CSTF3: variants seen among roughly 807,000 people sequenced by gnomAD.
The protein encoded by CSTF3 is CF-1 77 kDa subunit.
Under a neutral mutation model 105.8 loss-of-function variants are expected in CSTF3, and 29 were observed. The ratio of observed to expected loss-of-function variants is 0.27; its 90% CI spans 0.20 to 0.37. CSTF3 has a LOEUF of 0.37. Ranked by LOEUF, CSTF3 falls within the 10% of genes least tolerant of loss-of-function variation. The pLI, the probability that CSTF3 is intolerant of heterozygous loss-of-function variation, is 1.00. For missense variants in CSTF3, 357 were observed against 879.3 expected, an observed-to-expected ratio of 0.41 and a Z score of 7.51; for synonymous variants, 252 against 281.9, an observed-to-expected ratio of 0.89 and a Z score of 1.06.
chr11:33,102,405 T>C, intron 9 of CSTF3, 66 bp from the exon 10 acceptor site: 1 of 1,507,772 alleles, frequency 6.6e-7, no homozygotes, highest in Non-Finnish European at 9.1e-7. Flanking sequence ...GCGGATGGGG[T>C]AGATCAGTTT....
At chr11:33,118,834 C>T (rs1444684316) in intron 3 of CSTF3, among the ~76,000 whole-genome samples, 3 of 151,374 alleles carry the variant, frequency 2.0e-5, no homozygotes, top group Non-Finnish European at 4.4e-5. Flanking sequence ...TTCCCTCAAA[C>T]GTCTAATATT....
chr11:33,101,627 G>A (rs1037431738), intron 10 of CSTF3, among the ~76,000 whole-genome samples: 5 of 152,124 alleles, frequency 3.3e-5, no homozygotes, highest in African/African-American at 1.2e-4. Context: ...ATTCTTCAGA[G>A]GAAGATGACA....
chr11:33,091,873 C>T (rs970066303), intron 16 of CSTF3, among the ~76,000 whole-genome samples: 2 of 152,066 alleles, frequency 1.3e-5, no homozygotes, highest in African/African-American at 2.4e-5. Flanking sequence ...ACCACCACAC[C>T]CAGCTAATTT....
At chr11:33,111,725 CAATT>C (rs1257733560) in intron 3 of CSTF3, among the ~76,000 whole-genome samples, 1 of 152,148 alleles carries the variant, frequency 6.6e-6, no homozygotes, top group Non-Finnish European at 1.5e-5. Flanking sequence ...TTGGATTCAT[CAATT>C]ATTTCTTTAA....
In CSTF3 at chr11:33,126,825, T is replaced by C. The variant is rs143298902; in HGVS notation, c.225+14842A>G. On this transcript the variant is annotated intron_variant, in intron 3 of 20. Coordinates refer to ENST00000323959, the MANE Select transcript of CSTF3 (RefSeq NM_001326.3). ...AGCATTATTGTAGCTTCCTGGAATA[T>C]AGCAACATACAAAAGAGACAAACTA... 8.9e-3 allele frequency among the ~76,000 whole-genome samples: 1,358 copies of C among 152,274 alleles called. 5 individuals carry two copies. Among genetic ancestry groups the C allele is most frequent in the Non-Finnish European group, 0.013 (883 of 68,002 alleles).
At chr11:33,160,813 A>G (rs1425201725) in intron 1 of CSTF3, among the ~76,000 whole-genome samples, 2 of 152,252 alleles carry the variant, frequency 1.3e-5, no homozygotes, top group African/African-American at 4.8e-5. Flanking sequence ...AAACCTCAGC[A>G]TAACTTGCTT....
rs1248741817 is a variant in CSTF3, at chr11:33,132,041, AT to A, written c.225+9625del. ...ATTATTCTTTCAAATTTGTTTGAAA[AT>A]TTTTATAATAAATAGTTGGAAAGAA... is the stretch of plus-strand genomic sequence containing the variant. On this transcript the variant is annotated intron_variant, in intron 3 of 20. Coordinates refer to ENST00000323959, the MANE Select transcript of CSTF3 (RefSeq NM_001326.3). Among the ~76,000 whole-genome samples, 3 of 152,230 alleles carry A rather than the reference AT, an allele frequency of 2.0e-5. No individual in the cohort carries two copies. In the East Asian group the frequency reaches 5.8e-4, roughly 29 times the overall value.
chr11:33,144,430 T>C (rs1273139148), intron 1 of CSTF3, among the ~76,000 whole-genome samples: 1 of 152,172 alleles, frequency 6.6e-6, no homozygotes, highest in Non-Finnish European at 1.5e-5. Context: ...GCTCTTCCCA[T>C]ATATGAAACT....
In CSTF3 at chr11:33,141,681, A is replaced by G. The variant is rs1855713322; in HGVS notation, c.211T>C (p.Tyr71His). 1 of 1,612,690 alleles carries G rather than the reference A, an allele frequency of 6.2e-7. No homozygotes were observed. The change falls in exon 3 of 21, where the codon TAC becomes CAC. Residue 71 changes from tyrosine to histidine, a missense_variant. Physicochemically the swap from Tyr to His is moderately conservative, Grantham distance 83 (BLOSUM62 2). Coordinates refer to ENST00000323959, the MANE Select transcript of CSTF3 (RefSeq NM_001326.3). Reference sequence around the variant, plus strand: ...AAAATAGTAACCTCTGCTTCAATGTACAGTTTCCAGAATCTGCCAGAACTG... The same window carrying G: ...AAAATAGTAACCTCTGCTTCAATGTGCAGTTTCCAGAATCTGCCAGAACTG... Reference protein sequence around the residue: ...FPSSGRFWKLYIEAEIKAKNY... With the variant: ...FPSSGRFWKLHIEAEIKAKNY...
At chr11:33,143,249 C>T (rs1855736016) in intron 1 of CSTF3, among the ~76,000 whole-genome samples, 1 of 152,112 alleles carries the variant, frequency 6.6e-6, no homozygotes, top group African/African-American at 2.4e-5. Context: ...GAATTAGAGG[C>T]TGATTTTTTT....
At position 33,144,845 on chromosome 11, in the gene CSTF3, G is replaced by A. The variant is rs769972978; in HGVS notation, c.28-2859C>T. ...AAATACAAAAATTAGCCAGGTGTGT[G>A]CCACACACCTGTAGTCTCACGTACT... On this transcript the variant is annotated intron_variant, in intron 1 of 20. Coordinates refer to ENST00000323959, the MANE Select transcript of CSTF3 (RefSeq NM_001326.3). The A allele has an allele frequency of 1.5e-5, 3 of 194,804 alleles. No homozygotes were observed. In the South Asian group the frequency reaches 1.9e-4, roughly 12 times the overall value. The allele number at this position is 194,804 out of a possible 1,614,324, so 12.1% of individuals were successfully genotyped here. A position where few individuals can be genotyped will look rare whatever the true frequency, so the allele number is the denominator to read the frequency against.
intron 13 of CSTF3, 53 bp from the exon 14 acceptor site, chr11:33,097,031 A>G: frequency 7.5e-7 from 1 of 1,339,214 alleles, no homozygotes; most frequent in Non-Finnish European, 1.0e-6. Flanking sequence ...TGTTTCCTGC[A>G]TAAGAAAGCA....
At chr11:33,143,321 A>C (rs889369874) in intron 1 of CSTF3, among the ~76,000 whole-genome samples, 1 of 152,218 alleles carries the variant, frequency 6.6e-6, no homozygotes, top group African/African-American at 2.4e-5. Flanking sequence ...TTATTATAGA[A>C]ATTTAATTTT....
intron 3 of CSTF3, among the ~76,000 whole-genome samples, chr11:33,111,138 G>C (rs201774223): frequency 6.6e-6 from 1 of 152,152 alleles, no homozygotes; most frequent in African/African-American, 2.4e-5. Context: ...GCTGAGGCAG[G>C]AGAATCACTT....
At chr11:33,111,497 A>G (rs1016306195) in intron 3 of CSTF3, among the ~76,000 whole-genome samples, 1 of 152,108 alleles carries the variant, frequency 6.6e-6, no homozygotes, top group African/African-American at 2.4e-5. Context: ...AATCCTATAT[A>G]TGTTTATGTA....
chr11:33,119,005 T>C lies in CSTF3; in HGVS notation c.226-10587A>G, dbSNP rs1855460959. Among the ~76,000 whole-genome samples the C allele has an allele frequency of 2.0e-5, 3 of 151,838 alleles. No homozygotes were observed. The South Asian group carries it at 6.2e-4, about 31-fold the overall frequency. On this transcript the variant is annotated intron_variant, in intron 3 of 20. Transcript: ENST00000323959. The stretch of plus-strand genomic sequence containing the variant: ...TTATATATTGCTTTATAAAATATTA[T>C]AATATCTAATCTCACTTTTGTTTGC...
chr11:33,122,914 C>CAAAAAAAAAAAAAAAAAA (rs10600978), intron 3 of CSTF3, among the ~76,000 whole-genome samples: 11 of 83,780 alleles, frequency 1.3e-4, no homozygotes, highest in African/African-American at 2.7e-4. Context: ...TATCCTGTCT[C>CAAAAAAAAAAAAAAAAAA]AAAAAAAAAA....
At chr11:33,125,275 TA>T (rs1204439187) in intron 3 of CSTF3, among the ~76,000 whole-genome samples, 3 of 152,190 alleles carry the variant, frequency 2.0e-5, no homozygotes, top group Non-Finnish European at 2.9e-5. Context: ...TAATCTTATC[TA>T]AATTCTAGTT....
chr11:33,107,478 C>T (rs751650605), intron 5 of CSTF3, among the ~76,000 whole-genome samples: 7 of 152,134 alleles, frequency 4.6e-5, no homozygotes, highest in Non-Finnish European at 1.0e-4. Flanking sequence ...GGGTATAATT[C>T]GGAGTGGGGA....
Sources: gnomAD v4.1 joint callset for allele counts (sites outside exome capture counted in the v4.1 genomes callset) on GRCh38, gnomAD v4.1.1 for gene constraint, MANE v1.5 for transcripts, NCBI Gene and HGNC (gene_info 2026-07-23, HGNC 2026-07-21) for gene names.